Variants in CRYL1 observed in about 807,000 individuals in gnomAD.
CRYL1 encodes crystallin lambda 1.
A neutral mutation model predicts 36.6 loss-of-function variants in CRYL1; 29 were observed. The observed-to-expected ratio is 0.79, with a 90% CI of 0.59 to 1.08. The LOEUF is 1.08. Ranked by LOEUF, CRYL1 falls within the 50% of genes least tolerant of loss-of-function variation. The pLI is 0.00. For synonymous variants in CRYL1, 152 were observed against 151.5 expected, an observed-to-expected ratio of 1.00 and a Z score of -0.02; for missense variants, 411 against 407.9, an observed-to-expected ratio of 1.01 and a Z score of -0.06.
At chr13:20,493,190 G>T (rs1311638580) in intron 2 of CRYL1, among the ~76,000 whole-genome samples, 4 of 152,220 alleles carry the variant, frequency 2.6e-5, no homozygotes, top group Non-Finnish European at 4.4e-5. Context: ...GTGCTCCGAG[G>T]CAGGCCTCTG....
intron 3 of CRYL1, among the ~76,000 whole-genome samples, chr13:20,461,118 C>T (rs2032809630): frequency 6.6e-6 from 1 of 152,222 alleles, no homozygotes; most frequent in African/African-American, 2.4e-5. Context: ...TGCACACTGA[C>T]TCTCTGGTTT....
chr13:20,420,526 A>AG (rs1230047204), intron 5 of CRYL1, among the ~76,000 whole-genome samples: 1 of 151,100 alleles, frequency 6.6e-6, no homozygotes, highest in Non-Finnish European at 1.5e-5. Context: ...TTTAAAAGAA[A>AG]AAAAAAAAAG....
intron 2 of CRYL1, among the ~76,000 whole-genome samples, chr13:20,503,051 A>C (rs1220586399): frequency 2.0e-5 from 3 of 152,224 alleles, no homozygotes; most frequent in African/African-American, 7.2e-5. Flanking sequence ...ATCACTCGGA[A>C]TCCTGCCGCC....
chr13:20,474,628 G>A (rs1178511417), intron 3 of CRYL1, among the ~76,000 whole-genome samples: 4 of 152,110 alleles, frequency 2.6e-5, no homozygotes, highest in African/African-American at 9.7e-5. Context: ...AGGATACCTT[G>A]GGAAGAAATA....
chr13:20,406,254 G>A (rs2031375302), intron 6 of CRYL1: 1 of 151,956 alleles, frequency 6.6e-6, no homozygotes, highest in East Asian at 1.9e-4. Context: ...TACTAGATAC[G>A]CTCAAAAAGC....
chr13:20,439,524 A>AAAAAAG, intron 4 of CRYL1, 69 bp downstream of exon 4: 1 of 1,036,636 alleles, frequency 9.6e-7, no homozygotes, highest in Non-Finnish European at 1.3e-6. Flanking sequence ...CAAAAAAAAA[A>AAAAAAG]AAAAAAGAAA....
At chr13:20,492,454 C>T (rs74036400) in intron 2 of CRYL1, among the ~76,000 whole-genome samples, 2,678 of 152,232 alleles carry the variant, frequency 0.018, 83 homozygotes, top group African/African-American at 0.059. Flanking sequence ...AACATCAAAG[C>T]GTCAGCAGGG....
At chr13:20,497,625 A>G (rs2033635095) in intron 2 of CRYL1, among the ~76,000 whole-genome samples, 1 of 150,796 alleles carries the variant, frequency 6.6e-6, no homozygotes, top group African/African-American at 2.4e-5. Flanking sequence ...TACATACCAC[A>G]TACACACAAC....
At chr13:20,524,174 G>T (rs900619596) in intron 1 of CRYL1, among the ~76,000 whole-genome samples, 2 of 152,206 alleles carry the variant, frequency 1.3e-5, no homozygotes, top group South Asian at 4.1e-4. Flanking sequence ...GATCCACCAT[G>T]ATAGTGCCAC....
intron 6 of CRYL1, among the ~76,000 whole-genome samples, chr13:20,407,790 C>T (rs2031414478): frequency 6.6e-6 from 1 of 152,194 alleles, no homozygotes; most frequent in South Asian, 2.1e-4. Context: ...TTGGATGTAG[C>T]TTAACTTGCT....
intron 4 of CRYL1, 140 bp downstream of exon 4, chr13:20,439,453 C>G (rs1479622934): frequency 4.4e-6 from 3 of 678,862 alleles, no homozygotes; most frequent in Non-Finnish European, 7.1e-6. Flanking sequence ...TGAATTATAT[C>G]TCAATAAAGC....
At chr13:20,491,378 A>G (rs1270643837) in intron 2 of CRYL1, among the ~76,000 whole-genome samples, 2 of 152,224 alleles carry the variant, frequency 1.3e-5, no homozygotes, top group Non-Finnish European at 2.9e-5. Context: ...ATCCCTGCTC[A>G]GATCTCATCA....
intron 5 of CRYL1, chr13:20,431,508 C>T (rs1036907742): frequency 7.0e-6 from 7 of 998,682 alleles, no homozygotes; most frequent in Admixed American, 1.1e-4. Context: ...CCAGGCACCA[C>T]GGCCCCTCAT....
At chr13:20,480,400 C>T (rs1407722486) in intron 3 of CRYL1, among the ~76,000 whole-genome samples, 1 of 151,804 alleles carries the variant, frequency 6.6e-6, no homozygotes, top group Non-Finnish European at 1.5e-5. Flanking sequence ...AAAAAATTAC[C>T]GTCTTCCATT....
chr13:20,512,343 G>T, intron 2 of CRYL1, 100 bp downstream of exon 2: 1 of 824,670 alleles, frequency 1.2e-6, no homozygotes, highest in South Asian at 1.6e-5. Context: ...ACGAAAATGT[G>T]ACATCACAGA....
intron 2 of CRYL1, among the ~76,000 whole-genome samples, chr13:20,507,654 C>T (rs921265878): frequency 1.3e-5 from 2 of 152,212 alleles, no homozygotes; most frequent in South Asian, 2.1e-4. Flanking sequence ...CACAGTGGCT[C>T]ACACCTGTAA....
intron 2 of CRYL1, among the ~76,000 whole-genome samples, chr13:20,491,969 T>C (rs2033522277): frequency 6.6e-6 from 1 of 152,150 alleles, no homozygotes; most frequent in Non-Finnish European, 1.5e-5. Flanking sequence ...TGGTCCAAGG[T>C]AAGTGCCAGT....
chr13:20,439,484 T>C, intron 4 of CRYL1, 109 bp downstream of exon 4: 1 of 867,600 alleles, frequency 1.2e-6, no homozygotes, highest in Non-Finnish European at 1.7e-6. Flanking sequence ...ACTAATGGAT[T>C]ACTCACAAGT....
chr13:20,519,318 T>C (rs2137520516), intron 1 of CRYL1, among the ~76,000 whole-genome samples: 1 of 152,218 alleles, frequency 6.6e-6, no homozygotes, highest in Middle Eastern at 3.4e-3. Flanking sequence ...GATTGACCAT[T>C]GGGTTTTGCA....
Sources: gnomAD v4.1 joint callset for allele counts (sites outside exome capture counted in the v4.1 genomes callset) on GRCh38, gnomAD v4.1.1 for gene constraint, MANE v1.5 for transcripts, NCBI Gene and HGNC (gene_info 2026-07-23, HGNC 2026-07-21) for gene names.